Variants in ACOT7 observed in about 807,000 individuals in gnomAD.
ACOT7 encodes acyl-CoA thioesterase 7.
A neutral mutation model predicts 40.2 loss-of-function variants in ACOT7; 12 were observed. The observed-to-expected ratio is 0.30, with a 90% CI of 0.19 to 0.48. The LOEUF (loss-of-function observed/expected upper bound fraction) is 0.48, where lower values mean the gene tolerates loss of function less well. ACOT7 is among the 20% of genes least tolerant of loss of function. The pLI is 0.99. For synonymous variants in ACOT7, 228 were observed against 219.5 expected, an observed-to-expected ratio of 1.04 and a Z score of -0.34; for missense variants, 395 against 530.8, an observed-to-expected ratio of 0.74 and a Z score of 2.51.
At chr1:6,369,618 G>A (rs951043728) in intron 1 of ACOT7, among the ~76,000 whole-genome samples, 12 of 150,842 alleles carry the variant, frequency 8.0e-5, no homozygotes, top group South Asian at 6.3e-4. Flanking sequence ...TCGCTGTATC[G>A]CCCAGGCTGG....
chr1:6,355,971 C>T lies in ACOT7; in HGVS notation c.144-6105G>A, dbSNP rs565581019. 1.2e-4 allele frequency among the ~76,000 whole-genome samples: 18 copies of T among 152,338 alleles called. No individual in the cohort carries two copies. The highest frequency in any genetic ancestry group is 4.1e-4 in the African/African-American group (17 of 41,568). ...TCTCAAGGTGGAGTCCCACCTAAGCCACATGGAGCCTGAGTACTGGGTTGA... is the reference window on the plus strand; with the variant it reads ...TCTCAAGGTGGAGTCCCACCTAAGCTACATGGAGCCTGAGTACTGGGTTGA... On this transcript the variant is annotated intron_variant, in intron 1 of 8. Transcript: ENST00000361521. The surrounding 1 kb of genome is among the most constrained non-coding windows in gnomAD (Gnocchi z 5.0).
intron 8 of ACOT7, among the ~76,000 whole-genome samples, chr1:6,279,357 G>A (rs1030051971): frequency 6.6e-6 from 1 of 152,184 alleles, no homozygotes; most frequent in African/African-American, 2.4e-5. Flanking sequence ...GAGGGGTGGG[G>A]GCAGATGAGG....
At position 6,294,471 on chromosome 1, in the gene ACOT7, A is replaced by T. The variant is rs1639757542; in HGVS notation, c.829+393T>A. ...GAGGGGCTCCTGCGGGCTTTTCTGT[A>T]CTGACCCTGCCACTGCCTAAATCAT... On this transcript the variant is annotated intron_variant, in intron 7 of 8. Transcript: ENST00000361521. The surrounding 1 kb of genome is among the most constrained non-coding windows in gnomAD (Gnocchi z 4.6). Among the ~76,000 whole-genome samples, 1 of 152,210 alleles carries T rather than the reference A, an allele frequency of 6.6e-6. No individual in the cohort carries two copies. The highest frequency in any genetic ancestry group is 1.5e-5 in the Non-Finnish European group (1 of 68,048).
Position 6,393,303 on chromosome 1 carries a change from T to C in ACOT7, c.97A>G (p.Met33Val). 2 of 1,282,490 alleles carry C rather than the reference T, an allele frequency of 1.6e-6. No homozygotes were observed. The highest frequency in any genetic ancestry group is 2.0e-6 in the Non-Finnish European group (2 of 1,014,456). 79.4% of individuals were successfully genotyped at this position (1,282,490 alleles called of 1,614,324 possible). A position where few individuals can be genotyped will look rare whatever the true frequency, so the allele number is the denominator to read the frequency against. ...GGCGTCTCGACGTCTGGGCCCGACA[T>C]GCTGGGGGCTGCGGCGGCGGATGCG... ...PAASAAAAPS[M>V]SGPDVETPSA... The change falls in exon 1 of 9, where the codon ATG becomes GTG. Residue 33 changes from methionine (M) to valine (V), a missense_variant. Around this residue, in one of 2 missense-constraint regions of ACOT7, gnomAD observed 86 missense variants for 60.5 expected, o/e 1.42. Coordinates refer to ENST00000361521, the MANE Select transcript of ACOT7 (RefSeq NM_007274.4).
intron 8 of ACOT7, among the ~76,000 whole-genome samples, chr1:6,280,251 C>T (rs1348452576): frequency 6.6e-6 from 1 of 152,250 alleles, no homozygotes; most frequent in Non-Finnish European, 1.5e-5. Context: ...CTCTTGCTCC[C>T]CTCAGTGACA....
At chr1:6,310,158 G>C (rs1163845990) in intron 6 of ACOT7, among the ~76,000 whole-genome samples, 1 of 152,222 alleles carries the variant, frequency 6.6e-6, no homozygotes, top group African/African-American at 2.4e-5. Context: ...CAACTGAGCT[G>C]GATATTAGAA....
At chr1:6,305,041 C>T (rs1640092837) in intron 6 of ACOT7, among the ~76,000 whole-genome samples, 1 of 149,070 alleles carries the variant, frequency 6.7e-6, no homozygotes. Flanking sequence ...CCCCGCCTCC[C>T]TCCCAGATGG....
chr1:6,304,330 A>G lies in ACOT7; in HGVS notation c.713-9350T>C, dbSNP rs573707007. Among the ~76,000 whole-genome samples, 504 of 150,400 alleles carry G rather than the reference A, an allele frequency of 3.4e-3. 3 individuals are homozygous for G. Among genetic ancestry groups the G allele is most frequent in the African/African-American group, 0.012 (481 of 41,222 alleles). Reference sequence around the variant, plus strand: ...ACAATGTGGCACCAAAAAAAAAAAAAAAAGAAAGAAAAGAAAAGAAAAACA... The same window carrying G: ...ACAATGTGGCACCAAAAAAAAAAAAGAAAGAAAGAAAAGAAAAGAAAAACA... On this transcript the variant is annotated intron_variant, in intron 6 of 8. Coordinates refer to ENST00000361521, the MANE Select transcript of ACOT7 (RefSeq NM_007274.4).
chr1:6,321,054 C>T (rs1640632165), intron 5 of ACOT7, among the ~76,000 whole-genome samples: 1 of 152,186 alleles, frequency 6.6e-6, no homozygotes, highest in Non-Finnish European at 1.5e-5. Flanking sequence ...ATGACTCCCG[C>T]CAGGGTCTGA....
chr1:6,297,060 G>A lies in ACOT7; in HGVS notation c.713-2080C>T, dbSNP rs544582418. ...ACACAGAATGATTTTTTTTTTTGACGCGGAGTCTCGCTCTGTCACCAAGAT... is the reference window on the plus strand; with the variant it reads ...ACACAGAATGATTTTTTTTTTTGACACGGAGTCTCGCTCTGTCACCAAGAT... On this transcript the variant is annotated intron_variant, in intron 6 of 8. Transcript: ENST00000361521. 5.3e-5 allele frequency among the ~76,000 whole-genome samples: 8 copies of A among 149,854 alleles called. No homozygotes were observed. In the South Asian group the frequency reaches 1.1e-3, roughly 20 times the overall value.
chr1:6,278,535 G>A lies in ACOT7; in HGVS notation c.1014+2567C>T, dbSNP rs963509041. 5.3e-5 allele frequency among the ~76,000 whole-genome samples: 8 copies of A among 152,150 alleles called. No individual in the cohort carries two copies. The highest frequency in any genetic ancestry group is 2.6e-4 in the Admixed American group (4 of 15,278). On this transcript the variant is annotated intron_variant, in intron 8 of 8. Transcript: ENST00000361521. The surrounding 1 kb of genome is among the most constrained non-coding windows in gnomAD (Gnocchi z 4.1). ...CAGACTTCCAGAGCAGCACAGAGGC[G>A]GAGAGGGATTTTTTTGCGGGTGTGA...
rs1204982840 is a variant in ACOT7 at position 6,358,207 on chromosome 1, C to T, written c.144-8341G>A. On this transcript the variant is annotated intron_variant, in intron 1 of 8. Coordinates refer to ENST00000361521, the MANE Select transcript of ACOT7 (RefSeq NM_007274.4). The surrounding 1 kb of genome is among the most constrained non-coding windows in gnomAD (Gnocchi z 4.1). ...TTTGACTTGCTGCCTAAGGCAGTTC[C>T]GGCGAAGTCCCTTCAACCCACAGAC... Among the ~76,000 whole-genome samples, 5 of 152,070 alleles carry T rather than the reference C, an allele frequency of 3.3e-5. No homozygotes were observed. Among genetic ancestry groups the T allele is most frequent in the African/African-American group, 7.2e-5 (3 of 41,406 alleles).
chr1:6,345,511 G>A (rs1389960095), intron 2 of ACOT7, among the ~76,000 whole-genome samples: 3 of 152,224 alleles, frequency 2.0e-5, no homozygotes, highest in East Asian at 1.9e-4. Flanking sequence ...GCAGAGATTC[G>A]AGGGGATAAC....
At chr1:6,339,666 G>C (rs1002814373) in intron 2 of ACOT7, 77 bp from the exon 3 acceptor site, 3 of 1,541,338 alleles carry the variant, frequency 1.9e-6, no homozygotes, top group African/African-American at 2.7e-5. Context: ...ATGCCCCCTG[G>C]AAACGGTCTT....
chr1:6,363,422 C>T (rs537006206), intron 1 of ACOT7, among the ~76,000 whole-genome samples: 2 of 151,692 alleles, frequency 1.3e-5, no homozygotes, highest in South Asian at 2.1e-4. Context: ...GGCCTGACAT[C>T]AGTCAGGCCT....
Position 6,374,997 on chromosome 1 carries a change from G to T in ACOT7, c.143+18260C>A, listed in dbSNP as rs559687804. The stretch of plus-strand genomic sequence containing the variant: ...GACACTGTTAAGATAATGGAGACAG[G>T]CCGGGCGCGGTGGCTCACACCTGTA... On this transcript the variant is annotated intron_variant, in intron 1 of 8. Transcript: ENST00000361521. Among the ~76,000 whole-genome samples, 59 of 152,322 alleles carry T rather than the reference G, an allele frequency of 3.9e-4. 1 individual carries two copies. The East Asian group carries it at 0.011, about 28-fold the overall frequency.
At position 6,330,925 on chromosome 1, in the gene ACOT7, C is replaced by A. The variant is rs978263783; in HGVS notation, c.510+2552G>T. ...ACTGGGTAGCATCTGAAAATTAAATCCGTTAAATGCTATGTCTCAATATTT... is the reference window on the plus strand; with the variant it reads ...ACTGGGTAGCATCTGAAAATTAAATACGTTAAATGCTATGTCTCAATATTT... On this transcript the variant is annotated intron_variant, in intron 4 of 8. Coordinates refer to ENST00000361521, the MANE Select transcript of ACOT7 (RefSeq NM_007274.4). This position sits in a 1 kb window ranked among gnomAD's most constrained non-coding sequence, Gnocchi z 4.6. 6.6e-6 allele frequency among the ~76,000 whole-genome samples: 1 copy of A among 152,184 alleles called. No homozygotes were observed. The highest frequency in any genetic ancestry group is 2.4e-5 in the African/African-American group (1 of 41,424).
rs1343523809 is a variant in ACOT7, at chr1:6,294,817, C to G, written c.829+47G>C. The G allele has an allele frequency of 6.6e-7, 1 of 1,512,300 alleles. No homozygotes were observed. Among genetic ancestry groups the G allele is most frequent in the African/African-American group, 1.4e-5 (1 of 72,954 alleles). The allele number at this position is 1,512,300 out of a possible 1,614,324, so 93.7% of individuals were successfully genotyped here. Reference sequence around the variant, plus strand: ...AAACAAACTGGTGCAGGGACCCAAGCAGCCGAGGGCCACTGCCTCCCTCGT... The same window carrying G: ...AAACAAACTGGTGCAGGGACCCAAGGAGCCGAGGGCCACTGCCTCCCTCGT... On this transcript the variant is annotated intron_variant, in intron 7 of 8. Transcript: ENST00000361521. This position sits in a 1 kb window ranked among gnomAD's most constrained non-coding sequence, Gnocchi z 4.6.
Position 6,333,409 on chromosome 1 carries a change from C to T in ACOT7, c.510+68G>A, listed in dbSNP as rs549782407. 6.8e-5 allele frequency: 107 copies of T among 1,563,364 alleles called. No individual in the cohort carries two copies. In the East Asian group the frequency reaches 2.3e-3, roughly 34 times the overall value. On this transcript the variant is annotated intron_variant, in intron 4 of 8. Coordinates refer to ENST00000361521, the MANE Select transcript of ACOT7 (RefSeq NM_007274.4). ...GAGACCCTTAGCTGAACGAGCCTCC[C>T]AACATCAGGTGAGGTGACCTGATCT...
Sources: allele counts gnomAD v4.1 joint callset (sites outside exome capture counted in the v4.1 genomes callset), GRCh38; gene constraint gnomAD v4.1.1; regional missense constraint gnomAD v4.1.1; non-coding constraint Gnocchi (gnomAD v3.1); transcripts MANE v1.5; gene names NCBI Gene and HGNC (gene_info 2026-07-23, HGNC 2026-07-21).